The following EXOSC8 variants were observed in gnomAD, a reference collection of about 807,000 sequenced individuals.
EXOSC8 encodes the protein exosome complex component RRP43.
Under a neutral mutation model 39.9 loss-of-function variants are expected in EXOSC8, and 37 were observed. The ratio of observed to expected loss-of-function variants is 0.93; its 90% CI spans 0.71 to 1.22. EXOSC8 has a LOEUF of 1.22. EXOSC8 is among the 50% of genes most tolerant of loss of function. The pLI, the probability that EXOSC8 is intolerant of heterozygous loss-of-function variation, is 0.00. For missense variants in EXOSC8, 313 were observed against 326.6 expected (o/e 0.96, Z 0.32); for synonymous variants, 93 against 109.5 (o/e 0.85, Z 0.94).
In EXOSC8 at chr13:37,000,974, A is replaced by C. The variant is rs2059096515; in HGVS notation, c.17+152A>C. 1.2e-5 allele frequency: 12 copies of C among 982,208 alleles called. No homozygotes were observed. In the Admixed American group the frequency reaches 1.3e-4, roughly 10 times the overall value. 60.8% of individuals were successfully genotyped at this position (982,208 alleles called of 1,614,324 possible). On this transcript the variant is annotated intron_variant, in intron 1 of 10. Coordinates refer to ENST00000389704, the MANE Select transcript of EXOSC8 (RefSeq NM_181503.3). Reference sequence around the variant, plus strand: ...GCAGACGATGGGCGGGAGGACCTGGAGGTTGTCACAGTGAAAAGAAAGGGC... The same window carrying C: ...GCAGACGATGGGCGGGAGGACCTGGCGGTTGTCACAGTGAAAAGAAAGGGC...
chr13:37,008,032 A>G, intron 8 of EXOSC8, 25 bp from the exon 9 acceptor site: 2 of 1,531,734 alleles, frequency 1.3e-6, no homozygotes, highest in Non-Finnish European at 1.8e-6. Context: ...AGACTTACTT[A>G]CTTTACAAAT....
At chr13:37,004,640 T>C (rs1310647849) in intron 5 of EXOSC8, 79 bp downstream of exon 5, 1 of 864,552 alleles carries the variant, frequency 1.2e-6, no homozygotes, top group African/African-American at 1.7e-5. Context: ...CTAGTTAAGT[T>C]GATGTAAAGA....
At position 37,000,791 on chromosome 13, in the gene EXOSC8, C is replaced by A. The variant is rs1218107474; in HGVS notation, c.-15C>A. 1.9e-6 allele frequency: 3 copies of A among 1,578,712 alleles called. No homozygotes were observed. The highest frequency in any genetic ancestry group is 2.3e-5 in the South Asian group (2 of 86,522). ...AGGAGAGGAGCGGCGCAGGCGCAGA[C>A]GCGCGGGCGGGAAGATGGCGGCTGG... On this transcript the variant is annotated 5_prime_UTR_variant, in exon 1 of 11. Transcript: ENST00000389704.
rs1373366431 is a variant in EXOSC8 at position 37,002,299 on chromosome 13, G to A, written c.44G>A (p.Arg15Lys). ...ACCGTGGAACCTCTGGAGTATTACA[G>A]GAGATTTCTGGTGAGTAAAGGTTAT... is the stretch of plus-strand genomic sequence containing the variant. Reference protein sequence around the residue: ...FKTVEPLEYYRRFLKENCRPD... With the variant: ...FKTVEPLEYYKRFLKENCRPD... The change falls in exon 2 of 11, where the codon AGG becomes AAG. Residue 15 changes from arginine to lysine, a missense_variant. Coordinates refer to ENST00000389704, the MANE Select transcript of EXOSC8 (RefSeq NM_181503.3). 6.2e-7 allele frequency: 1 copy of A among 1,609,128 alleles called. No individual in the cohort carries two copies. Among genetic ancestry groups the A allele is most frequent in the Non-Finnish European group, 8.5e-7 (1 of 1,175,968 alleles).
intron 9 of EXOSC8, 90 bp from the exon 10 acceptor site, chr13:37,008,639 C>T: frequency 1.2e-6 from 1 of 802,842 alleles, no homozygotes; most frequent in Non-Finnish European, 2.0e-6. Flanking sequence ...CCTGTTAATT[C>T]CAGCTACTTG....
chr13:37,008,677 A>G (rs1163189443), intron 9 of EXOSC8, 52 bp from the exon 10 acceptor site: 4 of 1,149,236 alleles, frequency 3.5e-6, no homozygotes, highest in South Asian at 1.3e-5. Flanking sequence ...TTAGTATTTT[A>G]AAGTAAAATT....
chr13:37,001,882 G>T (rs1219104735), intron 1 of EXOSC8: 1 of 159,608 alleles, frequency 6.3e-6, no homozygotes, highest in East Asian at 1.8e-4. Flanking sequence ...TGAAAATAAA[G>T]ATGTACCTTT....
At chr13:37,000,973 G>A in intron 1 of EXOSC8, 151 bp downstream of exon 1, 1 of 1,015,654 alleles carries the variant, frequency 9.8e-7, no homozygotes, top group South Asian at 1.7e-5. Flanking sequence ...GGAGGACCTG[G>A]AGGTTGTCAC....
rs757075598 is a variant in EXOSC8 at position 37,008,112 on chromosome 13, AAAG to A, written c.549_551del (p.Lys184del). ...AAACTGCTTTAGCAGAAGTTAATTTAAAGAAGAAAAGTTATTTGAATATTAGAA... is the reference window on the plus strand; with the variant it reads ...AAACTGCTTTAGCAGAAGTTAATTTAAAGAAAAGTTATTTGAATATTAGAA... On this transcript the variant is annotated inframe_deletion, in exon 9 of 11. Transcript: ENST00000389704. 6.3e-6 allele frequency: 10 copies of A among 1,596,618 alleles called. No individual in the cohort carries two copies. The African/African-American group carries it at 1.2e-4, about 19-fold the overall frequency.
chr13:37,007,925 C>T, intron 8 of EXOSC8, 132 bp from the exon 9 acceptor site: 2 of 653,708 alleles, frequency 3.1e-6, no homozygotes, highest in Non-Finnish European at 5.3e-6. Context: ...ACCTTAGTGG[C>T]TGTAAGGTGC....
At chr13:37,005,151 A>G (rs1357991321) in intron 5 of EXOSC8, among the ~76,000 whole-genome samples, 1 of 152,146 alleles carries the variant, frequency 6.6e-6, no homozygotes, top group Non-Finnish European at 1.5e-5. Context: ...TTTTAAGTCA[A>G]AGAACTGTCA....
chr13:37,008,175 T>C lies in EXOSC8; in HGVS notation c.606T>C (p.Asp202=). 6.3e-7 allele frequency: 1 copy of C among 1,594,492 alleles called. No homozygotes were observed. Among genetic ancestry groups the C allele is most frequent in the Non-Finnish European group, 8.5e-7 (1 of 1,171,984 alleles). The change falls in exon 9 of 11, where the codon GAT becomes GAC. Residue 202 remains aspartate, a splice_region_variant and synonymous_variant. Transcript: ENST00000389704. ...HPVATSFAVF[D]DTLLIVDPTG... is the part of the protein sequence containing the mutation. ...TTGCAACTTCCTTTGCTGTGTTTGA[T>C]GAGTAAGTTAATCAAACTTACTTTA... is the stretch of plus-strand genomic sequence containing the variant.
At position 37,009,599 on chromosome 13, in the gene EXOSC8, A is replaced by G. The variant is rs1327410192; in HGVS notation, c.*300A>G. On this transcript the variant is annotated 3_prime_UTR_variant, in exon 11 of 11. Transcript: ENST00000389704. ...AAATACTGACACATTAAAAAAAACA[A>G]AAAGTAGAAACTCAATTCTTTTGAT... 6.3e-7 allele frequency: 1 copy of G among 1,585,152 alleles called. No individual in the cohort carries two copies. Among genetic ancestry groups the G allele is most frequent in the Non-Finnish European group, 8.7e-7 (1 of 1,155,020 alleles).
At position 37,007,080 on chromosome 13, in the gene EXOSC8, C is replaced by T. The variant is rs747029409; in HGVS notation, c.487+9C>T. ...AGCGGCTTTAAAAAATGGTAAGCAG[C>T]CTTACAAAAAAGGCAATATTCCCAC... On this transcript the variant is annotated intron_variant, in intron 8 of 10. Transcript: ENST00000389704. 3.2e-6 allele frequency: 5 copies of T among 1,584,928 alleles called. No homozygotes were observed. The highest frequency in any genetic ancestry group is 1.7e-5 in the Admixed American group (1 of 59,966).
chr13:37,007,596 T>C (rs889619416), intron 8 of EXOSC8, among the ~76,000 whole-genome samples: 3 of 152,158 alleles, frequency 2.0e-5, no homozygotes, highest in African/African-American at 7.2e-5. Flanking sequence ...AGCAATATTA[T>C]AGTAGAGTGG....
At chr13:37,004,035 C>T (rs1434244182) in intron 4 of EXOSC8, 1 of 152,398 alleles carries the variant, frequency 6.6e-6, no homozygotes. Flanking sequence ...CCATGCCTGG[C>T]TAATTTTTGT....
intron 10 of EXOSC8, 44 bp from the exon 11 acceptor site, chr13:37,009,140 G>A (rs1223792611): frequency 7.9e-7 from 1 of 1,257,866 alleles, no homozygotes; most frequent in Admixed American, 2.1e-5. Flanking sequence ...TTTTGAAAAG[G>A]AATGATAACT....
intron 1 of EXOSC8, among the ~76,000 whole-genome samples, 181 bp downstream of exon 1, chr13:37,001,003 T>C (rs1163188221): frequency 6.6e-6 from 1 of 152,216 alleles, no homozygotes; most frequent in African/African-American, 2.4e-5. Context: ...AAAGGGCTTC[T>C]TCCTCAGTGA....
chr13:37,006,172 A>G lies in EXOSC8; in HGVS notation c.390+12A>G. 1 of 1,581,028 alleles carries G rather than the reference A, an allele frequency of 6.3e-7. No homozygotes were observed. The highest frequency in any genetic ancestry group is 8.7e-7 in the Non-Finnish European group (1 of 1,153,696). On this transcript the variant is annotated intron_variant, in intron 7 of 10. Transcript: ENST00000389704. ...TTTCTCCAGGAAAGGTAAGAGGAAT[A>G]GAGAAGCTATAAGTTCTTATTAATT...
Sources: gnomAD v4.1 joint callset for allele counts (sites outside exome capture counted in the v4.1 genomes callset) on GRCh38, gnomAD v4.1.1 for gene constraint, MANE v1.5 for transcripts, NCBI Gene and HGNC (gene_info 2026-07-23, HGNC 2026-07-21) for gene names.